Variants in CLSTN2 observed in about 807,000 individuals in gnomAD.
CLSTN2 encodes the protein calsyntenin 2, also known as calsyntenin-2.
CLSTN2 carries 48 observed loss-of-function variants against 101.2 expected under a neutral mutation model. That is an observed-to-expected ratio of 0.47 (90% confidence interval 0.38 to 0.60). CLSTN2 has a LOEUF of 0.60. CLSTN2 is among the 20% of genes least tolerant of loss of function. The pLI is 0.00. For missense variants in CLSTN2, 1,160 were observed against 1,238.2 expected (o/e 0.94, Z 0.95); for synonymous variants, 481 against 463.6 (o/e 1.04, Z -0.48).
chr3:140,532,866 G>C (rs922945555), intron 9 of CLSTN2, among the ~76,000 whole-genome samples: 3 of 152,156 alleles, frequency 2.0e-5, no homozygotes, highest in African/African-American at 7.2e-5. Flanking sequence ...CAGGAACCAA[G>C]GATCTCCCTT....
At chr3:140,318,446 A>G (rs139426375) in intron 2 of CLSTN2, among the ~76,000 whole-genome samples, 30 of 152,350 alleles carry the variant, frequency 2.0e-4, no homozygotes, top group African/African-American at 7.2e-4. Context: ...TGCTGGGTTT[A>G]TGCAGAAGCT....
At chr3:140,132,399 T>C (rs2009537158) in intron 1 of CLSTN2, among the ~76,000 whole-genome samples, 1 of 152,126 alleles carries the variant, frequency 6.6e-6, no homozygotes, top group African/African-American at 2.4e-5. Context: ...ACCAACTTAG[T>C]CTCCCCATGC....
intron 2 of CLSTN2, among the ~76,000 whole-genome samples, chr3:140,340,925 C>G (rs963239255): frequency 1.3e-5 from 2 of 152,144 alleles, no homozygotes; most frequent in Non-Finnish European, 2.9e-5. Flanking sequence ...TGCCTCATGA[C>G]TTTTTCATGA....
At chr3:140,559,069 G>C (rs568125778) in intron 12 of CLSTN2, among the ~76,000 whole-genome samples, 2 of 151,948 alleles carry the variant, frequency 1.3e-5, no homozygotes, top group African/African-American at 4.8e-5. Flanking sequence ...AGGGATATGA[G>C]GTTGGAGGGA....
In CLSTN2 at chr3:140,419,583, G is replaced by A. The variant is rs1254621467; in HGVS notation, c.638-1542G>A. 5.6e-5 allele frequency among the ~76,000 whole-genome samples: 3 copies of A among 53,330 alleles called. 1 individual carries two copies. The highest frequency in any genetic ancestry group is 8.7e-5 in the Non-Finnish European group (3 of 34,384). 35.0% of individuals were successfully genotyped at this position (53,330 alleles called of 152,430 possible). A position where few individuals can be genotyped will look rare whatever the true frequency, so the allele number is the denominator to read the frequency against. On this transcript the variant is annotated intron_variant, in intron 4 of 16. Coordinates refer to ENST00000458420, the MANE Select transcript of CLSTN2 (RefSeq NM_022131.3). ...TATATATGTATATATACATATATAC[G>A]TGTACGTATATATGTATATATACAT...
intron 2 of CLSTN2, among the ~76,000 whole-genome samples, chr3:140,291,501 G>C (rs2086952868): frequency 6.6e-6 from 1 of 151,384 alleles, no homozygotes; most frequent in African/African-American, 2.4e-5. Flanking sequence ...ATTGTCTCTT[G>C]AACTTCCTTC....
intron 1 of CLSTN2, among the ~76,000 whole-genome samples, chr3:139,941,778 G>C (rs1372504022): frequency 6.6e-6 from 1 of 152,200 alleles, no homozygotes; most frequent in Non-Finnish European, 1.5e-5. Context: ...AGGGAGCTCA[G>C]CCAGGTCAAA....
chr3:140,147,235 T>A (rs1265555844), intron 1 of CLSTN2, among the ~76,000 whole-genome samples: 1 of 152,216 alleles, frequency 6.6e-6, no homozygotes, highest in Admixed American at 6.5e-5. Context: ...AGGAAGAGCA[T>A]CCCAGTGGAG....
intron 1 of CLSTN2, among the ~76,000 whole-genome samples, chr3:139,937,943 CAG>C (rs1276716230): frequency 6.6e-6 from 1 of 151,886 alleles, no homozygotes; most frequent in Non-Finnish European, 1.5e-5. Flanking sequence ...TTGATTACAA[CAG>C]AGACATTTAT....
intron 2 of CLSTN2, among the ~76,000 whole-genome samples, chr3:140,337,910 G>A (rs1019384124): frequency 2.0e-5 from 3 of 152,164 alleles, no homozygotes; most frequent in Admixed American, 1.3e-4. Context: ...TCCACATGGG[G>A]CAGAGACTAG....
At chr3:140,430,282 A>T (rs1576563322) in intron 5 of CLSTN2, among the ~76,000 whole-genome samples, 1 of 152,142 alleles carries the variant, frequency 6.6e-6, no homozygotes, top group African/African-American at 2.4e-5. Flanking sequence ...AAATGAAAAT[A>T]CCTCCTGCAG....
chr3:140,375,734 G>T (rs1309037354), intron 2 of CLSTN2, among the ~76,000 whole-genome samples: 1 of 151,698 alleles, frequency 6.6e-6, no homozygotes, highest in Admixed American at 6.6e-5. Flanking sequence ...TTTTATTTTA[G>T]CCCTGTTATT....
chr3:140,462,536 TTGTC>T (rs1416570836), intron 7 of CLSTN2, among the ~76,000 whole-genome samples: 2 of 152,346 alleles, frequency 1.3e-5, no homozygotes, highest in East Asian at 3.9e-4. Flanking sequence ...TGCACTAAGT[TTGTC>T]TGGTGTACTA....
At chr3:140,000,207 A>G (rs2006798520) in intron 1 of CLSTN2, among the ~76,000 whole-genome samples, 1 of 152,210 alleles carries the variant, frequency 6.6e-6, no homozygotes, top group Admixed American at 6.5e-5. Flanking sequence ...CAAGTGTAAA[A>G]GGTTCCTGAC....
chr3:140,559,250 C>A (rs1454890994), intron 12 of CLSTN2, among the ~76,000 whole-genome samples: 1 of 151,884 alleles, frequency 6.6e-6, no homozygotes, highest in African/African-American at 2.4e-5. Flanking sequence ...TAACGAGAGC[C>A]CGTTTGTTTC....
At chr3:140,066,691 GC>G (rs1199861158) in intron 1 of CLSTN2, among the ~76,000 whole-genome samples, 33 of 152,280 alleles carry the variant, frequency 2.2e-4, no homozygotes, top group African/African-American at 7.9e-4. Context: ...GATATATTAA[GC>G]AAAAGCAGTA....
Position 140,061,034 on chromosome 3 carries a change from A to G in CLSTN2, c.110-114917A>G, listed in dbSNP as rs561214854. 3.3e-5 allele frequency among the ~76,000 whole-genome samples: 5 copies of G among 152,322 alleles called. No individual in the cohort carries two copies. The South Asian group carries it at 1.0e-3, about 32-fold the overall frequency. ...GGGAAGCCCTGAGCAGAGGGGCATA[A>G]GAGAAGATATTACTTACTCAGCCTA... On this transcript the variant is annotated intron_variant, in intron 1 of 16. Transcript: ENST00000458420.
At chr3:140,452,612 G>T (rs544864154) in intron 6 of CLSTN2, 1 of 152,360 alleles carries the variant, frequency 6.6e-6, no homozygotes, top group Admixed American at 6.5e-5. Flanking sequence ...GAGGGAATCT[G>T]GTTTACTGGG....
intron 1 of CLSTN2, among the ~76,000 whole-genome samples, chr3:139,964,796 A>G (rs1226233724): frequency 6.6e-6 from 1 of 152,220 alleles, no homozygotes; most frequent in Non-Finnish European, 1.5e-5. Flanking sequence ...TAAATGAGAA[A>G]GAAATGCATT....
Sources: allele counts gnomAD v4.1 joint callset (sites outside exome capture counted in the v4.1 genomes callset), GRCh38; gene constraint gnomAD v4.1.1; transcripts MANE v1.5; gene names NCBI Gene and HGNC (gene_info 2026-07-23, HGNC 2026-07-21).